The following RORA variants were observed in gnomAD, a reference collection of about 807,000 sequenced individuals.
The protein encoded by RORA is nuclear receptor ROR-alpha.
RORA carries 7 observed loss-of-function variants against 69.5 expected under a neutral mutation model. The observed-to-expected ratio is 0.10, with a 90% confidence interval of 0.06 to 0.19. The LOEUF is 0.19. Ranked by LOEUF, RORA falls within the 10% of genes least tolerant of loss-of-function variation. RORA has a pLI of 1.00. For synonymous variants in RORA, 261 were observed against 240.8 expected (o/e 1.08, Z -0.78); for missense variants, 457 against 663.0 (o/e 0.69, Z 3.41).
intron 1 of RORA, among the ~76,000 whole-genome samples, chr15:60,984,246 T>C (rs1894129118): frequency 6.6e-6 from 1 of 152,136 alleles, no homozygotes; most frequent in Non-Finnish European, 1.5e-5. Context: ...AAAATTACAC[T>C]TTCCCTATGA....
chr15:61,014,035 G>C (rs1245053036), intron 1 of RORA, among the ~76,000 whole-genome samples: 2 of 151,866 alleles, frequency 1.3e-5, no homozygotes, highest in Non-Finnish European at 2.9e-5. Flanking sequence ...TGCCCGCCTC[G>C]GCCTCCCAAA....
At chr15:60,555,787 G>A (rs1420424110) in intron 2 of RORA, among the ~76,000 whole-genome samples, 5 of 151,668 alleles carry the variant, frequency 3.3e-5, no homozygotes, top group Non-Finnish European at 7.4e-5. Flanking sequence ...AAGAAATACT[G>A]TCATCTGTTG....
At chr15:60,851,866 T>C (rs772200751) in intron 1 of RORA, among the ~76,000 whole-genome samples, 13 of 152,154 alleles carry the variant, frequency 8.5e-5, no homozygotes, top group Non-Finnish European at 2.9e-5. Flanking sequence ...AGAACTTTTC[T>C]TCCGGATCAC....
At chr15:61,044,370 G>A (rs879782752) in intron 1 of RORA, among the ~76,000 whole-genome samples, 5 of 152,074 alleles carry the variant, frequency 3.3e-5, no homozygotes, top group Non-Finnish European at 5.9e-5. Flanking sequence ...TCACTCTGCC[G>A]AGTCGCCCTG....
At chr15:60,642,283 T>C (rs961292841) in intron 2 of RORA, among the ~76,000 whole-genome samples, 4 of 151,750 alleles carry the variant, frequency 2.6e-5, no homozygotes, top group African/African-American at 9.7e-5. Context: ...AAGGAGGGGA[T>C]GGTAGAGACC....
chr15:61,186,220 G>A (rs1005278793), intron 1 of RORA, among the ~76,000 whole-genome samples: 1 of 152,092 alleles, frequency 6.6e-6, no homozygotes, highest in Non-Finnish European at 1.5e-5. Context: ...GCAACCTAGG[G>A]TCATCTAAAA....
At chr15:60,561,083 T>TG (rs1567088204) in intron 2 of RORA, among the ~76,000 whole-genome samples, 5 of 91,128 alleles carry the variant, frequency 5.5e-5, no homozygotes, top group African/African-American at 4.7e-4. Context: ...TTTGTTTTTG[T>TG]TTTTTTTTTT....
chr15:61,149,481 T>C (rs891722887), intron 1 of RORA, among the ~76,000 whole-genome samples: 2 of 152,206 alleles, frequency 1.3e-5, no homozygotes, highest in South Asian at 2.1e-4. Context: ...CACTATTCTC[T>C]CTAAATCATT....
intron 1 of RORA, among the ~76,000 whole-genome samples, chr15:61,220,012 T>A (rs2080079851): frequency 6.6e-6 from 1 of 152,170 alleles, no homozygotes; most frequent in Admixed American, 6.5e-5. Context: ...ACTGTGAAAT[T>A]TTACAGCTTG....
chr15:60,871,088 A>G (rs1186780267), intron 1 of RORA, among the ~76,000 whole-genome samples: 1 of 152,202 alleles, frequency 6.6e-6, no homozygotes, highest in Non-Finnish European at 1.5e-5. Context: ...CTTCTTGAGC[A>G]CATCGGAACA....
chr15:60,978,517 G>C (rs1893940983), intron 1 of RORA, among the ~76,000 whole-genome samples: 1 of 151,962 alleles, frequency 6.6e-6, no homozygotes, highest in African/African-American at 2.4e-5. Context: ...AAAGTTTTTA[G>C]TTTTGTTGAA....
chr15:60,676,922 A>G (rs2070562642), intron 2 of RORA, among the ~76,000 whole-genome samples: 1 of 152,212 alleles, frequency 6.6e-6, no homozygotes, highest in Non-Finnish European at 1.5e-5. Context: ...ATTTCTGTCT[A>G]TGTTATCTTA....
intron 1 of RORA, among the ~76,000 whole-genome samples, chr15:60,701,386 C>T (rs753656059): frequency 6.6e-6 from 1 of 152,136 alleles, no homozygotes; most frequent in Non-Finnish European, 1.5e-5. Flanking sequence ...TCAAAGGGGA[C>T]TGAAGAAGTT....
intron 1 of RORA, among the ~76,000 whole-genome samples, chr15:60,938,849 G>A (rs1020475318): frequency 8.6e-5 from 13 of 152,014 alleles, no homozygotes; most frequent in Non-Finnish European, 1.5e-4. Flanking sequence ...CTTTTCTTTC[G>A]GCTACTGAAA....
At chr15:60,612,376 C>T (rs1287359726) in intron 2 of RORA, among the ~76,000 whole-genome samples, 1 of 152,166 alleles carries the variant, frequency 6.6e-6, no homozygotes, top group Non-Finnish European at 1.5e-5. Flanking sequence ...AATGAACCTC[C>T]CCTCTTTTTG....
chr15:60,582,632 G>T (rs1327052315), intron 2 of RORA, among the ~76,000 whole-genome samples: 5 of 152,126 alleles, frequency 3.3e-5, no homozygotes, highest in African/African-American at 4.8e-5. Flanking sequence ...GGCTTCAGAG[G>T]TTTCTCAACC....
At chr15:60,648,091 G>A (rs2070083593) in intron 2 of RORA, among the ~76,000 whole-genome samples, 1 of 152,248 alleles carries the variant, frequency 6.6e-6, no homozygotes, top group South Asian at 2.1e-4. Flanking sequence ...GGAGGAGGAG[G>A]AGGGCAGGAG....
At chr15:60,978,599 C>T (rs940537825) in intron 1 of RORA, among the ~76,000 whole-genome samples, 56 of 152,112 alleles carry the variant, frequency 3.7e-4, no homozygotes, top group Non-Finnish European at 2.1e-4. Context: ...ATTGCCTAAT[C>T]CAAAGTCCTG....
chr15:60,969,681 C>T (rs756142732), intron 1 of RORA, among the ~76,000 whole-genome samples: 1 of 152,190 alleles, frequency 6.6e-6, no homozygotes, highest in African/African-American at 2.4e-5. Flanking sequence ...CCTCTCTACA[C>T]ACCAAGCTAT....
Sources: allele counts gnomAD v4.1 joint callset (sites outside exome capture counted in the v4.1 genomes callset), GRCh38; gene constraint gnomAD v4.1.1; transcripts MANE v1.5; gene names NCBI Gene and HGNC (gene_info 2026-07-23, HGNC 2026-07-21).